GRIP1: variants seen among roughly 807,000 people sequenced by gnomAD.
GRIP1 encodes the protein glutamate receptor interacting protein 1, also known as glutamate receptor-interacting protein 1.
Under a neutral mutation model 129.9 loss-of-function variants are expected in GRIP1, and 45 were observed. That is an observed-to-expected ratio of 0.35 (90% confidence interval 0.27 to 0.44). The LOEUF (loss-of-function observed/expected upper bound fraction) is 0.44. Among genes scored for constraint, GRIP1 ranks in the 20% least tolerant of loss-of-function variants. The pLI is 1.00. For missense variants in GRIP1, 1,196 were observed against 1,396.8 expected (o/e 0.86, Z 2.29); for synonymous variants, 530 against 520.8 (o/e 1.02, Z -0.24).
chr12:66,909,501 G>A (rs564797873), intron 1 of GRIP1, among the ~76,000 whole-genome samples: 1 of 152,328 alleles, frequency 6.6e-6, no homozygotes, highest in African/African-American at 2.4e-5. Flanking sequence ...CAACAAAGAT[G>A]TTTTCATTAT....
rs2043522463 is a variant in GRIP1 at position 67,060,882 on chromosome 12, C to A, written c.58+8168G>T. Among the ~76,000 whole-genome samples, 3 of 151,098 alleles carry A rather than the reference C, an allele frequency of 2.0e-5. No individual in the cohort carries two copies. In the South Asian group the frequency reaches 6.3e-4, roughly 32 times the overall value. The stretch of plus-strand genomic sequence containing the variant: ...TGGAGAGCTGCAAGAATTTTTTCTC[C>A]CTTCAAAAGGTTCCAAACATCATTT... On this transcript the variant is annotated intron_variant, in intron 1 of 1. Transcript: ENST00000643019.
chr12:66,579,406 C>A (rs544921662), intron 2 of GRIP1, among the ~76,000 whole-genome samples: 1 of 152,094 alleles, frequency 6.6e-6, no homozygotes, highest in Non-Finnish European at 1.5e-5. Flanking sequence ...CAAAGCTGGA[C>A]GGAGAATGAC....
chr12:66,840,607 T>C (rs1167512217), intron 1 of GRIP1, among the ~76,000 whole-genome samples: 1 of 152,214 alleles, frequency 6.6e-6, no homozygotes, highest in Non-Finnish European at 1.5e-5. Context: ...TAAAGTGAAT[T>C]CATTTTACAT....
At chr12:66,411,544 G>A (rs1217184932) in intron 15 of GRIP1, among the ~76,000 whole-genome samples, 1 of 152,192 alleles carries the variant, frequency 6.6e-6, no homozygotes, top group Non-Finnish European at 1.5e-5. Flanking sequence ...TAAAACTGCT[G>A]AAAACTCAAA....
chr12:66,380,741 G>A (rs2056068079), intron 19 of GRIP1, among the ~76,000 whole-genome samples: 1 of 152,110 alleles, frequency 6.6e-6, no homozygotes, highest in Non-Finnish European at 1.5e-5. Flanking sequence ...TTATTATGGG[G>A]GTTCAAGTGG....
intron 1 of GRIP1, among the ~76,000 whole-genome samples, chr12:66,783,871 A>T (rs913825647): frequency 1.3e-5 from 2 of 152,162 alleles, no homozygotes; most frequent in African/African-American, 4.8e-5. Flanking sequence ...TTTTCCTCAC[A>T]TTCTTTCTAA....
intron 19 of GRIP1, among the ~76,000 whole-genome samples, chr12:66,385,641 A>C (rs1230360794): frequency 3.3e-5 from 5 of 151,744 alleles, no homozygotes; most frequent in Non-Finnish European, 7.4e-5. Flanking sequence ...ACAGAATCTC[A>C]CTCTATCGCC....
intron 24 of GRIP1, 130 bp from the exon 25 acceptor site, chr12:66,349,376 C>T: frequency 1.4e-6 from 1 of 736,312 alleles, no homozygotes; most frequent in Non-Finnish European, 2.5e-6. Context: ...TGAGGTCTAT[C>T]CTTGTGACTA....
At chr12:66,647,969 T>C (rs1004594071) in intron 1 of GRIP1, among the ~76,000 whole-genome samples, 2 of 152,202 alleles carry the variant, frequency 1.3e-5, no homozygotes, top group Admixed American at 6.5e-5. Context: ...AGTAGCTGCA[T>C]CTGTTTGATT....
intron 16 of GRIP1, among the ~76,000 whole-genome samples, chr12:66,405,740 GA>G (rs979803622): frequency 6.0e-5 from 9 of 149,168 alleles, no homozygotes; most frequent in African/African-American, 7.4e-5. Flanking sequence ...TATTTCAAAA[GA>G]AAAAAAAAGC....
rs538611973 is a variant in GRIP1 at position 66,926,643 on chromosome 12, T to C, written c.58+142407A>G. On this transcript the variant is annotated intron_variant, in intron 1 of 1. Coordinates refer to the GRIP1 transcript ENST00000643019. ...ATGCTATGTGACTTTAGTCTTCAAT[T>C]TGCATATTTGGTTAGTAGGCCTTCA... Among the ~76,000 whole-genome samples, 3 of 152,360 alleles carry C rather than the reference T, an allele frequency of 2.0e-5. No homozygotes were observed. In the East Asian group the frequency reaches 5.8e-4, roughly 29 times the overall value.
At chr12:66,977,761 A>T (rs1395760891) in intron 1 of GRIP1, among the ~76,000 whole-genome samples, 1 of 150,238 alleles carries the variant, frequency 6.7e-6, no homozygotes, top group Non-Finnish European at 1.5e-5. Context: ...TTATGTCACT[A>T]AAGAATGTCT....
intron 1 of GRIP1, among the ~76,000 whole-genome samples, chr12:66,875,313 T>A (rs1025321970): frequency 6.6e-6 from 1 of 152,078 alleles, no homozygotes; most frequent in African/African-American, 2.4e-5. Context: ...CCTTTCACCA[T>A]CAAAATATGT....
chr12:66,902,980 A>T (rs865856173), intron 1 of GRIP1, among the ~76,000 whole-genome samples: 11 of 152,302 alleles, frequency 7.2e-5, no homozygotes, highest in African/African-American at 2.6e-4. Flanking sequence ...TGGAGTTCTG[A>T]TTTGTTTATT....
intron 2 of GRIP1, among the ~76,000 whole-genome samples, chr12:66,561,207 G>T (rs1438105316): frequency 6.6e-6 from 1 of 152,166 alleles, no homozygotes; most frequent in Non-Finnish European, 1.5e-5. Context: ...GGAGTGGAAG[G>T]AAAGTGAGGA....
At chr12:66,595,429 T>C (rs2064011379) in intron 2 of GRIP1, among the ~76,000 whole-genome samples, 1 of 152,214 alleles carries the variant, frequency 6.6e-6, no homozygotes, top group Non-Finnish European at 1.5e-5. Context: ...ATTTGCTTAG[T>C]ATCCCATAGA....
chr12:66,990,930 T>G (rs906554603), intron 1 of GRIP1, among the ~76,000 whole-genome samples: 6 of 146,116 alleles, frequency 4.1e-5, no homozygotes, highest in African/African-American at 1.5e-4. Context: ...TGAGCCGAGA[T>G]AGCGCCATTA....
At chr12:66,722,074 T>C (rs1452881748) in intron 1 of GRIP1, among the ~76,000 whole-genome samples, 1 of 152,190 alleles carries the variant, frequency 6.6e-6, no homozygotes, top group East Asian at 1.9e-4. Context: ...TGTTTTGCCT[T>C]CTTATAATTA....
rs1353806814 is a variant in GRIP1, at chr12:66,832,993, G to A, written c.58+236057C>T. Among the ~76,000 whole-genome samples the A allele has an allele frequency of 2.6e-5, 4 of 152,224 alleles. No individual in the cohort carries two copies. The East Asian group carries it at 7.7e-4, about 29-fold the overall frequency. On this transcript the variant is annotated intron_variant, in intron 1 of 1. Coordinates refer to the GRIP1 transcript ENST00000643019. ...GTTTGTGTTGAGATGTGTTCCTCCT[G>A]GTGGCTCTTTGGCTTACAGAGACTC...
Sources: gnomAD v4.1 joint callset for allele counts (sites outside exome capture counted in the v4.1 genomes callset) on GRCh38, gnomAD v4.1.1 for gene constraint, MANE v1.5 for transcripts, NCBI Gene and HGNC (gene_info 2026-07-23, HGNC 2026-07-21) for gene names.